EPB41L4A: variants seen among roughly 807,000 people sequenced by gnomAD.
The protein encoded by EPB41L4A is erythrocyte membrane protein band 4.1 like 4A, also known as band 4.1-like protein 4A.
In EPB41L4A, 100 loss-of-function variants were observed where a neutral mutation model predicts 108.6. That is an observed-to-expected ratio of 0.92 (90% CI 0.78 to 1.09). EPB41L4A has a LOEUF of 1.09. Among genes scored for constraint, EPB41L4A ranks in the 50% least tolerant of loss-of-function variants. EPB41L4A has a pLI of 0.00. For missense variants in EPB41L4A, 1,030 were observed against 842.7 expected, an observed-to-expected ratio of 1.22 and a Z score of -2.75; for synonymous variants, 319 against 289.0, an observed-to-expected ratio of 1.10 and a Z score of -1.05.
intron 2 of EPB41L4A, among the ~76,000 whole-genome samples, chr5:112,297,312 A>AT (rs1296894530): frequency 6.6e-6 from 1 of 151,786 alleles, no homozygotes; most frequent in Non-Finnish European, 1.5e-5. Flanking sequence ...TTATTTTTTT[A>AT]TTTTTTTGAT....
At chr5:112,209,850 A>G in intron 13 of EPB41L4A, 42 bp downstream of exon 13, 1 of 1,256,872 alleles carries the variant, frequency 8.0e-7, no homozygotes, top group Non-Finnish European at 1.1e-6. Flanking sequence ...GCATTTTTAC[A>G]ACAGCATATA....
At chr5:112,257,676 G>A (rs1162845434) in intron 9 of EPB41L4A, among the ~76,000 whole-genome samples, 2 of 152,124 alleles carry the variant, frequency 1.3e-5, no homozygotes, top group Non-Finnish European at 2.9e-5. Flanking sequence ...TCATTCACCA[G>A]AGGACCTCAC....
At chr5:112,167,953 A>C (rs1760352318) in intron 22 of EPB41L4A, among the ~76,000 whole-genome samples, 2 of 152,254 alleles carry the variant, frequency 1.3e-5, no homozygotes, top group Admixed American at 1.3e-4. Flanking sequence ...GTCAGTAGAT[A>C]CAACTGGCTT....
chr5:112,412,012 T>C (rs968291621), intron 1 of EPB41L4A, among the ~76,000 whole-genome samples: 21 of 152,134 alleles, frequency 1.4e-4, no homozygotes, highest in African/African-American at 3.9e-4. Context: ...CGCTGAAACA[T>C]AGTCCCCCTC....
intron 9 of EPB41L4A, chr5:112,249,629 T>C (rs954405498): frequency 2.0e-5 from 3 of 152,176 alleles, no homozygotes; most frequent in African/African-American, 4.8e-5. Context: ...CTAATGAATT[T>C]AGGGTGAGTC....
intron 1 of EPB41L4A, among the ~76,000 whole-genome samples, chr5:112,319,796 G>C (rs1755654974): frequency 6.6e-6 from 1 of 152,102 alleles, no homozygotes; most frequent in Non-Finnish European, 1.5e-5. Flanking sequence ...CATTTGCCTG[G>C]GGTCCGTGGA....
chr5:112,176,987 T>A (rs769970923), intron 18 of EPB41L4A, among the ~76,000 whole-genome samples: 1 of 152,048 alleles, frequency 6.6e-6, no homozygotes, highest in Non-Finnish European at 1.5e-5. Flanking sequence ...ACTCCTGAAC[T>A]CAGGTGATCG....
At chr5:112,148,065 A>AGAAAAACAAATTG (rs148039721) in intron 12 of EPB41L4A, among the ~76,000 whole-genome samples, 8,430 of 146,030 alleles carry the variant, frequency 0.058, 932 homozygotes, top group African/African-American at 0.19. Flanking sequence ...CGCAAACACC[A>AGAAAAACAAATTG]GAAAATTGGG....
Position 112,403,263 on chromosome 5 carries a change from A to T in EPB41L4A, c.99+15678T>A, listed in dbSNP as rs112920025. Reference sequence around the variant, plus strand: ...TGTAATGGATGAAAGGCAGTCTAGGATCAAGCTCTTCTTGGTTCGTTGAAC... The same window carrying T: ...TGTAATGGATGAAAGGCAGTCTAGGTTCAAGCTCTTCTTGGTTCGTTGAAC... On this transcript the variant is annotated intron_variant, in intron 1 of 22. Transcript: ENST00000261486. Among the ~76,000 whole-genome samples the T allele has an allele frequency of 4.3e-3, 653 of 151,588 alleles. 3 individuals carry two copies. Among genetic ancestry groups the T allele is most frequent in the African/African-American group, 0.014 (597 of 41,280 alleles).
chr5:112,389,927 C>T (rs952881706), intron 1 of EPB41L4A, among the ~76,000 whole-genome samples: 5 of 152,160 alleles, frequency 3.3e-5, no homozygotes, highest in African/African-American at 1.2e-4. Flanking sequence ...GGCAGTTTCA[C>T]ACAATAAGGA....
chr5:112,300,069 G>C (rs1253804545), intron 2 of EPB41L4A, among the ~76,000 whole-genome samples: 2 of 152,264 alleles, frequency 1.3e-5, no homozygotes, highest in African/African-American at 4.8e-5. Context: ...GAAGGCAGCA[G>C]ATACCTGGTT....
rs115348453 is a variant in EPB41L4A at position 112,405,390 on chromosome 5, C to T, written c.99+13551G>A. On this transcript the variant is annotated intron_variant, in intron 1 of 22. Coordinates refer to ENST00000261486, the MANE Select transcript of EPB41L4A (RefSeq NM_022140.5). ...AAATGGCTCCTGGATGCCAGATCCA[C>T]AGAAATTGTTGATGATAAATACTGG... Among the ~76,000 whole-genome samples the T allele has an allele frequency of 7.2e-3, 1,092 of 152,300 alleles. 13 individuals are homozygous for T. The highest frequency in any genetic ancestry group is 0.025 in the African/African-American group (1,043 of 41,566).
intron 1 of EPB41L4A, among the ~76,000 whole-genome samples, chr5:112,345,806 C>G (rs1323729007): frequency 1.3e-5 from 2 of 151,402 alleles, no homozygotes; most frequent in African/African-American, 2.4e-5. Context: ...CACACACACA[C>G]ACACACACAC....
rs142597327 is a variant in EPB41L4A at position 112,340,725 on chromosome 5, G to A, written c.100-33235C>T. Among the ~76,000 whole-genome samples, 499 of 151,986 alleles carry A rather than the reference G, an allele frequency of 3.3e-3. 2 individuals carry two copies. Among genetic ancestry groups the A allele is most frequent in the African/African-American group, 0.011 (476 of 41,444 alleles). ...TGTACGTTTCTGCCAATTTTCTTTC[G>A]GTGATATGAATTTTGTTTATAAATG... On this transcript the variant is annotated intron_variant, in intron 1 of 22. Coordinates refer to ENST00000261486, the MANE Select transcript of EPB41L4A (RefSeq NM_022140.5).
At chr5:112,236,145 AT>A (rs1048592933) in intron 11 of EPB41L4A, among the ~76,000 whole-genome samples, 2 of 152,064 alleles carry the variant, frequency 1.3e-5, no homozygotes, top group African/African-American at 2.4e-5. Flanking sequence ...TCACAGTCAG[AT>A]TTTTTTTATT....
chr5:112,403,962 G>A (rs752848997), intron 1 of EPB41L4A, among the ~76,000 whole-genome samples: 4 of 152,042 alleles, frequency 2.6e-5, no homozygotes, highest in Non-Finnish European at 5.9e-5. Context: ...AAAAAAGGAG[G>A]AAGAAGAAAA....
chr5:112,356,766 G>T (rs934436144), intron 1 of EPB41L4A, among the ~76,000 whole-genome samples: 8 of 152,182 alleles, frequency 5.3e-5, no homozygotes, highest in Admixed American at 3.9e-4. Flanking sequence ...AGCGATCTCA[G>T]TAACACACAT....
At chr5:112,170,096 G>C (rs554595330) in intron 20 of EPB41L4A, 2 of 551,690 alleles carry the variant, frequency 3.6e-6, no homozygotes, top group East Asian at 6.6e-5. Flanking sequence ...GTACAAAGAG[G>C]TGGCTAATAA....
At chr5:112,361,594 T>C (rs1424393591) in intron 1 of EPB41L4A, among the ~76,000 whole-genome samples, 1 of 150,350 alleles carries the variant, frequency 6.7e-6, no homozygotes, top group African/African-American at 2.4e-5. Flanking sequence ...AGAATAATTA[T>C]TGAATCTGTA....
Sources: gnomAD v4.1 joint callset for allele counts (sites outside exome capture counted in the v4.1 genomes callset) on GRCh38, gnomAD v4.1.1 for gene constraint, MANE v1.5 for transcripts, NCBI Gene and HGNC (gene_info 2026-07-23, HGNC 2026-07-21) for gene names.